GPC6: variants seen among roughly 807,000 people sequenced by gnomAD.
GPC6 encodes glypican-6.
In GPC6, 14 loss-of-function variants were observed where a neutral mutation model predicts 55.2. The observed-to-expected ratio is 0.25, with a 90% CI of 0.17 to 0.40. The LOEUF (loss-of-function observed/expected upper bound fraction) is 0.40. Ranked by LOEUF, GPC6 falls within the 10% of genes least tolerant of loss-of-function variation. The probability of loss-of-function intolerance (pLI) is 1.00; values close to 1 mark genes in which losing one functional copy is unlikely to be tolerated. For synonymous variants in GPC6, 278 were observed against 259.6 expected (o/e 1.07, Z -0.68); for missense variants, 641 against 708.5 (o/e 0.90, Z 1.08).
intron 3 of GPC6, among the ~76,000 whole-genome samples, chr13:93,888,951 G>T (rs1235732229): frequency 6.6e-6 from 1 of 151,984 alleles, no homozygotes; most frequent in Non-Finnish European, 1.5e-5. Flanking sequence ...GTAATTTTGA[G>T]CACAAAAGAT....
At chr13:93,378,386 A>G (rs1472350975) in intron 1 of GPC6, among the ~76,000 whole-genome samples, 1 of 152,126 alleles carries the variant, frequency 6.6e-6, no homozygotes, top group African/African-American at 2.4e-5. Flanking sequence ...TTCCTCCAGC[A>G]CTGGTTGGCC....
chr13:93,507,141 G>A (rs1471308046), intron 1 of GPC6, among the ~76,000 whole-genome samples: 1 of 147,474 alleles, frequency 6.8e-6, no homozygotes, highest in African/African-American at 2.5e-5. Context: ...TACTTGCTTT[G>A]TGTGGAGCAT....
chr13:93,809,242 T>C (rs760540340), intron 2 of GPC6, among the ~76,000 whole-genome samples: 5 of 152,190 alleles, frequency 3.3e-5, no homozygotes, highest in Admixed American at 6.5e-5. Context: ...AAATAAAGGA[T>C]AGAGTTCCCA....
At chr13:94,276,298 G>A (rs1041128042) in intron 4 of GPC6, among the ~76,000 whole-genome samples, 1 of 152,080 alleles carries the variant, frequency 6.6e-6, no homozygotes, top group Non-Finnish European at 1.5e-5. Context: ...AGAAAAATGT[G>A]TCTGACATTG....
intron 2 of GPC6, among the ~76,000 whole-genome samples, chr13:93,629,131 A>G (rs1032412028): frequency 6.6e-6 from 1 of 152,114 alleles, no homozygotes; most frequent in Non-Finnish European, 1.5e-5. Context: ...GGCCAGTTAG[A>G]CAGTCTCTGA....
chr13:94,402,728 G>T (rs1231188513), intron 8 of GPC6, among the ~76,000 whole-genome samples: 1 of 152,180 alleles, frequency 6.6e-6, no homozygotes, highest in South Asian at 2.1e-4. Flanking sequence ...AATCATGGTG[G>T]AAGGCGAAGG....
chr13:93,832,844 C>T (rs986690594), intron 3 of GPC6, among the ~76,000 whole-genome samples: 5 of 152,118 alleles, frequency 3.3e-5, no homozygotes, highest in African/African-American at 9.7e-5. Context: ...ACACTGTATT[C>T]TCTCTCCCAC....
intron 4 of GPC6, among the ~76,000 whole-genome samples, chr13:94,158,148 G>A (rs1382055762): frequency 6.6e-6 from 1 of 152,154 alleles, no homozygotes. Flanking sequence ...GCCTCATAGT[G>A]TTTGAGAAAT....
intron 2 of GPC6, among the ~76,000 whole-genome samples, chr13:93,734,249 C>T (rs140955531): frequency 6.2e-4 from 95 of 152,236 alleles, no homozygotes; most frequent in Non-Finnish European, 1.0e-3. Flanking sequence ...TCATTAAAAT[C>T]GCTTTGAATT....
intron 4 of GPC6, among the ~76,000 whole-genome samples, chr13:94,085,717 T>A (rs1007979371): frequency 6.6e-6 from 1 of 152,098 alleles, no homozygotes; most frequent in Admixed American, 6.5e-5. Flanking sequence ...CTCAAGAAAA[T>A]AGGTAACTTG....
intron 6 of GPC6, among the ~76,000 whole-genome samples, chr13:94,321,963 C>T (rs1308431406): frequency 6.6e-6 from 1 of 152,178 alleles, no homozygotes; most frequent in Non-Finnish European, 1.5e-5. Flanking sequence ...CAGGTACATC[C>T]TTTATTTTTT....
At chr13:93,919,241 T>A (rs923547574) in intron 3 of GPC6, among the ~76,000 whole-genome samples, 1 of 152,228 alleles carries the variant, frequency 6.6e-6, no homozygotes, top group East Asian at 1.9e-4. Context: ...ATTAAACCCC[T>A]TTGCTTTATA....
intron 3 of GPC6, among the ~76,000 whole-genome samples, chr13:93,983,864 C>T (rs1880912369): frequency 6.6e-6 from 1 of 150,610 alleles, no homozygotes; most frequent in Admixed American, 6.6e-5. Flanking sequence ...CAGAGAGTAG[C>T]TGATTCTTGC....
chr13:93,917,277 C>G (rs1001930225), intron 3 of GPC6, among the ~76,000 whole-genome samples: 1 of 152,030 alleles, frequency 6.6e-6, no homozygotes, highest in Non-Finnish European at 1.5e-5. Flanking sequence ...CTCATTCACT[C>G]TTATGAAAAC....
intron 3 of GPC6, among the ~76,000 whole-genome samples, chr13:93,903,922 T>TC (rs2140329453): frequency 6.6e-6 from 1 of 151,398 alleles, no homozygotes; most frequent in African/African-American, 2.4e-5. Context: ...TGTAGTATCA[T>TC]CCCCCCAGCG....
chr13:93,980,982 T>C (rs1880777863), intron 3 of GPC6, among the ~76,000 whole-genome samples: 1 of 152,214 alleles, frequency 6.6e-6, no homozygotes, highest in Non-Finnish European at 1.5e-5. Context: ...AACAACAGTG[T>C]ATGCCAACTG....
At chr13:94,208,895 C>G (rs1305840151) in intron 4 of GPC6, among the ~76,000 whole-genome samples, 1 of 151,770 alleles carries the variant, frequency 6.6e-6, no homozygotes, top group Non-Finnish European at 1.5e-5. Context: ...CTACTGCACT[C>G]CAGCCTGGGA....
intron 1 of GPC6, among the ~76,000 whole-genome samples, chr13:93,541,067 C>A (rs1242183922): frequency 6.6e-6 from 1 of 151,626 alleles, no homozygotes; most frequent in Non-Finnish European, 1.5e-5. Flanking sequence ...GGAACATGTG[C>A]ACAATGTGCA....
At position 94,100,872 on chromosome 13, in the gene GPC6, A is replaced by G. The variant is rs970327509; in HGVS notation, c.877+72978A>G. Reference sequence around the variant, plus strand: ...TCTTAGTCCTCAGAGTATTTCTACAAGACCATTTATGTTGATTCTCACCAT... The same window carrying G: ...TCTTAGTCCTCAGAGTATTTCTACAGGACCATTTATGTTGATTCTCACCAT... On this transcript the variant is annotated intron_variant, in intron 4 of 8. Coordinates refer to ENST00000377047, the MANE Select transcript of GPC6 (RefSeq NM_005708.5). Among the ~76,000 whole-genome samples, 18 of 152,362 alleles carry G rather than the reference A, an allele frequency of 1.2e-4. No individual in the cohort carries two copies. The Middle Eastern group carries it at 0.01, about 86-fold the overall frequency.
Sources: allele counts gnomAD v4.1 joint callset (sites outside exome capture counted in the v4.1 genomes callset), GRCh38; gene constraint gnomAD v4.1.1; transcripts MANE v1.5; gene names NCBI Gene and HGNC (gene_info 2026-07-23, HGNC 2026-07-21).